Variants in ADAMTSL1 observed in about 807,000 individuals in gnomAD.
The protein encoded by ADAMTSL1 is ADAMTS like 1.
A neutral mutation model predicts 201.8 loss-of-function variants in ADAMTSL1; 126 were observed. The observed-to-expected ratio is 0.62, with a 90% CI of 0.54 to 0.72. The LOEUF (loss-of-function observed/expected upper bound fraction) is 0.72, where lower values mean the gene tolerates loss of function less well. ADAMTSL1 is among the 30% of genes least tolerant of loss of function. The pLI, the probability that ADAMTSL1 is intolerant of heterozygous loss-of-function variation, is 0.00. For missense variants in ADAMTSL1, 2,679 were observed against 2,277.8 expected (o/e 1.18, Z -3.59); for synonymous variants, 1,121 against 903.4 (o/e 1.24, Z -4.32).
In ADAMTSL1 at chr9:18,622,538, A is replaced by G. The variant is rs570561087; in HGVS notation, c.601+169A>G. 252 of 1,014,314 alleles carry G rather than the reference A, an allele frequency of 2.5e-4. No homozygotes were observed. The South Asian group carries it at 3.9e-3, about 16-fold the overall frequency. 62.8% of individuals were successfully genotyped at this position (1,014,314 alleles called of 1,614,324 possible). On this transcript the variant is annotated intron_variant, in intron 5 of 28. Transcript: ENST00000380548. ...CATGTGAATTAGCTTAGGTGGGACAAGTCAGGTTACCAGCTGCAGTCCCAA... is the reference window on the plus strand; with the variant it reads ...CATGTGAATTAGCTTAGGTGGGACAGGTCAGGTTACCAGCTGCAGTCCCAA...
At chr9:18,196,555 C>T (rs906687020) in intron 2 of ADAMTSL1, among the ~76,000 whole-genome samples, 12 of 152,128 alleles carry the variant, frequency 7.9e-5, no homozygotes, top group African/African-American at 2.9e-4. Flanking sequence ...GGCCTAATCT[C>T]TGCTGGCCTT....
chr9:18,452,717 A>G lies in ADAMTSL1; in HGVS notation c.208-52112A>G, dbSNP rs189697961. 4.1e-4 allele frequency among the ~76,000 whole-genome samples: 63 copies of G among 152,372 alleles called. 3 individuals carry two copies. The East Asian group carries it at 0.011, about 27-fold the overall frequency. ...TGCCTCCAAATAAGTCTGAAACCCA[A>G]CAGGGAAGACACTATTAAGTCTTAA... On this transcript the variant is annotated intron_variant, in intron 2 of 29. Coordinates refer to the ADAMTSL1 transcript ENST00000680146.
chr9:18,888,597 C>G (rs550161019), intron 24 of ADAMTSL1, among the ~76,000 whole-genome samples: 40 of 152,164 alleles, frequency 2.6e-4, no homozygotes, highest in Non-Finnish European at 3.8e-4. Context: ...GTCAGAAAGC[C>G]TTTGGGTGGG....
intron 1 of ADAMTSL1, among the ~76,000 whole-genome samples, chr9:18,105,268 G>C (rs1824706326): frequency 6.6e-6 from 1 of 152,104 alleles, no homozygotes; most frequent in Non-Finnish European, 1.5e-5. Flanking sequence ...AATTATCCGT[G>C]ACCTGATTGC....
At chr9:18,138,635 AT>A (rs1826261155) in intron 1 of ADAMTSL1, among the ~76,000 whole-genome samples, 1 of 152,108 alleles carries the variant, frequency 6.6e-6, no homozygotes, top group Non-Finnish European at 1.5e-5. Context: ...ACTGTTCTAA[AT>A]TTACCTTGAT....
intron 7 of ADAMTSL1, 27 bp from the exon 8 acceptor site, chr9:18,657,612 C>T (rs1828777323): frequency 1.3e-6 from 2 of 1,565,842 alleles, no homozygotes; most frequent in Non-Finnish European, 1.8e-6. Flanking sequence ...TGTCACATTA[C>T]TTCTACTTTC....
intron 15 of ADAMTSL1, 40 bp downstream of exon 15, chr9:18,721,705 T>G (rs1038276972): frequency 6.2e-7 from 1 of 1,605,126 alleles, no homozygotes; most frequent in Non-Finnish European, 8.5e-7. Flanking sequence ...CAGGGGCACG[T>G]ACAGAACTGG....
intron 1 of ADAMTSL1, among the ~76,000 whole-genome samples, chr9:17,945,118 A>G (rs1361791861): frequency 2.0e-4 from 23 of 116,952 alleles, no homozygotes; most frequent in Non-Finnish European, 1.4e-4. Context: ...CAAATTTACA[A>G]GAAAAAAACA....
At chr9:18,569,095 C>G (rs78680833) in intron 3 of ADAMTSL1, among the ~76,000 whole-genome samples, 5 of 152,112 alleles carry the variant, frequency 3.3e-5, no homozygotes, top group Admixed American at 6.6e-5. Flanking sequence ...ACATTTCACC[C>G]GGTGAGTAAA....
At chr9:18,536,043 A>T (rs1030430832) in intron 3 of ADAMTSL1, among the ~76,000 whole-genome samples, 8 of 152,152 alleles carry the variant, frequency 5.3e-5, no homozygotes, top group Non-Finnish European at 1.2e-4. Flanking sequence ...TTGATGCTGA[A>T]TTTTTTTAAT....
rs776046209 is a variant in ADAMTSL1, at chr9:18,314,782, C to CTTTTTTTTTTTTT, written c.207+150821_207+150833dup. 2.0e-4 allele frequency among the ~76,000 whole-genome samples: 10 copies of CTTTTTTTTTTTTT among 49,846 alleles called. 3 individuals carry two copies. Among genetic ancestry groups the CTTTTTTTTTTTTT allele is most frequent in the Admixed American group, 3.1e-4 (1 of 3,252 alleles). 32.7% of individuals were successfully genotyped at this position (49,846 alleles called of 152,430 possible). A position where few individuals can be genotyped will look rare whatever the true frequency, so the allele number is the denominator to read the frequency against. ...TGCCACTGCTGCCTTCGGCAGCGTGCTTTTTTTTTTTTTTTTTTTTTTTTT... is the reference window on the plus strand; with the variant it reads ...TGCCACTGCTGCCTTCGGCAGCGTGCTTTTTTTTTTTTTTTTTTTTTTTTTTTTTTTTTTTTTT... On this transcript the variant is annotated intron_variant, in intron 2 of 29. Transcript: ENST00000680146.
intron 1 of ADAMTSL1, among the ~76,000 whole-genome samples, chr9:18,103,333 T>C (rs919984980): frequency 6.6e-6 from 1 of 152,192 alleles, no homozygotes; most frequent in Admixed American, 6.5e-5. Context: ...GTTTATTACA[T>C]GCTACATATA....
intron 1 of ADAMTSL1, among the ~76,000 whole-genome samples, chr9:18,065,985 C>CAAAAAAAA (rs34179730): frequency 2.6e-5 from 1 of 38,134 alleles, no homozygotes; most frequent in Admixed American, 4.9e-4. Flanking sequence ...GACTCCATCT[C>CAAAAAAAA]AAAAAAAAAA....
At chr9:18,436,243 GC>G (rs949878961) in intron 2 of ADAMTSL1, among the ~76,000 whole-genome samples, 59 of 152,060 alleles carry the variant, frequency 3.9e-4, no homozygotes, top group African/African-American at 1.4e-3. Flanking sequence ...AGGATGTGGG[GC>G]TTGCTTTAGG....
At chr9:17,949,051 T>C (rs1827625849) in intron 1 of ADAMTSL1, among the ~76,000 whole-genome samples, 1 of 152,206 alleles carries the variant, frequency 6.6e-6, no homozygotes. Context: ...TAGTGGCCAT[T>C]CCAGTATCTG....
At chr9:18,129,382 A>G (rs940081368) in intron 1 of ADAMTSL1, among the ~76,000 whole-genome samples, 8 of 152,162 alleles carry the variant, frequency 5.3e-5, no homozygotes, top group African/African-American at 1.7e-4. Flanking sequence ...CCCAGAGGGG[A>G]GTAATGGTTC....
At chr9:18,703,042 G>A (rs1014386511) in intron 13 of ADAMTSL1, among the ~76,000 whole-genome samples, 4 of 152,156 alleles carry the variant, frequency 2.6e-5, no homozygotes, top group Admixed American at 6.5e-5. Flanking sequence ...GATCCCAGGC[G>A]TGAGTGCCCG....
At chr9:18,191,174 C>T (rs1828953231) in intron 2 of ADAMTSL1, among the ~76,000 whole-genome samples, 1 of 152,122 alleles carries the variant, frequency 6.6e-6, no homozygotes, top group Admixed American at 6.5e-5. Context: ...GTATGGGTGG[C>T]TGCTTGCCAG....
chr9:18,828,164 G>A (rs373545852), intron 22 of ADAMTSL1, among the ~76,000 whole-genome samples: 1 of 152,138 alleles, frequency 6.6e-6, no homozygotes, highest in Admixed American at 6.6e-5. Context: ...TAAGTTCCAT[G>A]TCACCTGGAC....
Sources: allele counts gnomAD v4.1 joint callset (sites outside exome capture counted in the v4.1 genomes callset), GRCh38; gene constraint gnomAD v4.1.1; transcripts MANE v1.5; gene names NCBI Gene and HGNC (gene_info 2026-07-23, HGNC 2026-07-21).